The following PIK3R4 variants were observed in gnomAD, a reference collection of about 807,000 sequenced individuals.
PIK3R4 encodes the protein phosphoinositide-3-kinase regulatory subunit 4, also known as phosphoinositide 3-kinase regulatory subunit 4.
A neutral mutation model predicts 136.5 loss-of-function variants in PIK3R4; 46 were observed. That is an observed-to-expected ratio of 0.34 (90% CI 0.27 to 0.43). The LOEUF (loss-of-function observed/expected upper bound fraction) is 0.43. PIK3R4 is among the 20% of genes least tolerant of loss of function. The pLI is 1.00. For synonymous variants in PIK3R4, 557 were observed against 566.7 expected, an observed-to-expected ratio of 0.98 and a Z score of 0.24; for missense variants, 1,331 against 1,649.5, an observed-to-expected ratio of 0.81 and a Z score of 3.35.
At chr3:130,683,027 G>A (rs969643996) in intron 16 of PIK3R4, among the ~76,000 whole-genome samples, 1 of 152,144 alleles carries the variant, frequency 6.6e-6, no homozygotes, top group Non-Finnish European at 1.5e-5. Flanking sequence ...AGGTAGTGAA[G>A]AGTGATCAAA....
chr3:130,686,504 A>G (rs1054010552), intron 14 of PIK3R4, 82 bp from the exon 15 acceptor site: 18 of 808,556 alleles, frequency 2.2e-5, no homozygotes, highest in Non-Finnish European at 3.3e-5. Flanking sequence ...TTTATATCCT[A>G]TCCATAGTCA....
At chr3:130,713,831 C>G (rs1163223432) in intron 9 of PIK3R4, among the ~76,000 whole-genome samples, 2 of 152,244 alleles carry the variant, frequency 1.3e-5, no homozygotes, top group Admixed American at 1.3e-4. Flanking sequence ...CACCACCATG[C>G]CCAGCCAATT....
At chr3:130,729,860 T>C (rs2066752710) in intron 5 of PIK3R4, among the ~76,000 whole-genome samples, 2 of 152,182 alleles carry the variant, frequency 1.3e-5, no homozygotes, top group Non-Finnish European at 2.9e-5. Context: ...AGACAAGGAC[T>C]TTGACATCAA....
rs1049115694 is a variant in PIK3R4 at position 130,740,612 on chromosome 3, T to C, written c.733+3874A>G. On this transcript the variant is annotated intron_variant, in intron 2 of 19. Transcript: ENST00000356763. Reference sequence around the variant, plus strand: ...AAAATTAGCCAGGCATGGTGGCACATGCCTGCAATCCCAGCTACTCAGGAG... The same window carrying C: ...AAAATTAGCCAGGCATGGTGGCACACGCCTGCAATCCCAGCTACTCAGGAG... 3.2e-4 allele frequency among the ~76,000 whole-genome samples: 48 copies of C among 152,026 alleles called. 1 individual carries two copies. The highest frequency in any genetic ancestry group is 2.4e-3 in the Admixed American group (37 of 15,256).
In PIK3R4 at chr3:130,718,244, A is replaced by G. The variant is rs150363085; in HGVS notation, c.2127+145T>C. Reference sequence around the variant, plus strand: ...CTTCAAAGGTGCTTGGTTCATTAACATTAATTAGCTTGAAAGGAATATAAA... The same window carrying G: ...CTTCAAAGGTGCTTGGTTCATTAACGTTAATTAGCTTGAAAGGAATATAAA... On this transcript the variant is annotated intron_variant, in intron 8 of 19. Transcript: ENST00000356763. The G allele has an allele frequency of 7.6e-5, 51 of 671,352 alleles. No homozygotes were observed. The African/African-American group carries it at 8.9e-4, about 12-fold the overall frequency. The allele number at this position is 671,352 out of a possible 1,614,324, so 41.6% of individuals were successfully genotyped here.
chr3:130,711,865 C>A (rs12374056), intron 9 of PIK3R4, among the ~76,000 whole-genome samples: 5,962 of 152,260 alleles, frequency 0.039, 164 homozygotes, highest in Non-Finnish European at 0.059. Context: ...CTTAACATTG[C>A]ATTATATATC....
At chr3:130,721,067 G>A (rs2066697065) in intron 7 of PIK3R4, among the ~76,000 whole-genome samples, 1 of 151,890 alleles carries the variant, frequency 6.6e-6, no homozygotes, top group South Asian at 2.1e-4. Flanking sequence ...CGGGCGCGGT[G>A]GCTCACGCCT....
At chr3:130,702,948 C>A (rs1340716179) in intron 13 of PIK3R4, among the ~76,000 whole-genome samples, 1 of 152,120 alleles carries the variant, frequency 6.6e-6, no homozygotes, top group Non-Finnish European at 1.5e-5. Context: ...ATTCATTCAG[C>A]AAATCTTGTT....
chr3:130,720,124 G>T (rs1303979665), intron 7 of PIK3R4, among the ~76,000 whole-genome samples: 1 of 152,156 alleles, frequency 6.6e-6, no homozygotes, highest in African/African-American at 2.4e-5. Flanking sequence ...CTGATACAAA[G>T]CACCTCAAAT....
At chr3:130,691,799 TAC>T (rs1320819187) in intron 13 of PIK3R4, among the ~76,000 whole-genome samples, 2 of 151,708 alleles carry the variant, frequency 1.3e-5, no homozygotes, top group Non-Finnish European at 2.9e-5. Flanking sequence ...CATATTACAA[TAC>T]ATTCACACTT....
At chr3:130,704,841 A>AT (rs1321463676) in intron 12 of PIK3R4, among the ~76,000 whole-genome samples, 1 of 151,670 alleles carries the variant, frequency 6.6e-6, no homozygotes, top group Admixed American at 6.6e-5. Context: ...TTATTTATTT[A>AT]TTTTTTTGAG....
chr3:130,727,692 A>T lies in PIK3R4; in HGVS notation c.1807+771T>A, dbSNP rs1014243. Among the ~76,000 whole-genome samples, 854 of 152,336 alleles carry T rather than the reference A, an allele frequency of 5.6e-3. 17 individuals carry two copies. The East Asian group carries it at 0.07, about 13-fold the overall frequency. Reference sequence around the variant, plus strand: ...ATAATCATAATAATATGAATTTAGCATATATTTCATAATTGGCCAAATCTT... The same window carrying T: ...ATAATCATAATAATATGAATTTAGCTTATATTTCATAATTGGCCAAATCTT... On this transcript the variant is annotated intron_variant, in intron 6 of 19. Transcript: ENST00000356763.
chr3:130,743,107 A>C (rs916244791), intron 2 of PIK3R4, among the ~76,000 whole-genome samples: 10 of 152,146 alleles, frequency 6.6e-5, no homozygotes, highest in African/African-American at 2.4e-4. Context: ...TTCTATGCCC[A>C]AAAATTTATA....
Position 130,714,058 on chromosome 3 carries a change from T to C in PIK3R4, c.2331+2338A>G, listed in dbSNP as rs530550775. Among the ~76,000 whole-genome samples, 3 of 152,324 alleles carry C rather than the reference T, an allele frequency of 2.0e-5. No homozygotes were observed. The South Asian group carries it at 6.2e-4, about 32-fold the overall frequency. ...GGCCAAGGCTGAAGAAACACTTAGA[T>C]TGAGATGATTTTTACTGCACATTGA... is the stretch of plus-strand genomic sequence containing the variant. On this transcript the variant is annotated intron_variant, in intron 9 of 19. Transcript: ENST00000356763.
At chr3:130,723,138 C>G (rs1248046384) in intron 7 of PIK3R4, among the ~76,000 whole-genome samples, 1 of 137,416 alleles carries the variant, frequency 7.3e-6, no homozygotes, top group African/African-American at 2.7e-5. Context: ...AAACCAAAGT[C>G]TTGCTTTTTG....
At chr3:130,700,907 C>G (rs2066570636) in intron 13 of PIK3R4, among the ~76,000 whole-genome samples, 1 of 152,172 alleles carries the variant, frequency 6.6e-6, no homozygotes, top group Non-Finnish European at 1.5e-5. Context: ...GGTGTTACAG[C>G]AAAGCAAAAG....
chr3:130,718,295 T>A, intron 8 of PIK3R4, 94 bp downstream of exon 8: 2 of 1,100,660 alleles, frequency 1.8e-6, no homozygotes, highest in Non-Finnish European at 2.7e-6. Context: ...TTTAAATACT[T>A]AAAAAATGTT....
At chr3:130,689,841 A>G (rs1209303798) in intron 14 of PIK3R4, among the ~76,000 whole-genome samples, 2 of 152,248 alleles carry the variant, frequency 1.3e-5, no homozygotes, top group Non-Finnish European at 2.9e-5. Flanking sequence ...AGCATAACAT[A>G]TCTTGTCTTT....
At chr3:130,716,809 C>T (rs201665107) in intron 8 of PIK3R4, among the ~76,000 whole-genome samples, 3 of 151,966 alleles carry the variant, frequency 2.0e-5, no homozygotes, top group Non-Finnish European at 2.9e-5. Flanking sequence ...CTAGACCACA[C>T]GTGTGTCTGT....
Sources: gnomAD v4.1 joint callset for allele counts (sites outside exome capture counted in the v4.1 genomes callset) on GRCh38, gnomAD v4.1.1 for gene constraint, MANE v1.5 for transcripts, NCBI Gene and HGNC (gene_info 2026-07-23, HGNC 2026-07-21) for gene names.